The following KIAA1549L variants were observed in gnomAD, a reference collection of about 807,000 sequenced individuals.
KIAA1549L encodes UPF0606 protein KIAA1549L.
Under a neutral mutation model 160.7 loss-of-function variants are expected in KIAA1549L, and 88 were observed. The ratio of observed to expected loss-of-function variants is 0.55; its 90% confidence interval spans 0.46 to 0.65. KIAA1549L has a LOEUF of 0.65. Ranked by LOEUF, KIAA1549L falls within the 30% of genes least tolerant of loss-of-function variation. KIAA1549L has a pLI of 0.00. For synonymous variants in KIAA1549L, 950 were observed against 976.7 expected (o/e 0.97, Z 0.51); for missense variants, 2,258 against 2,437.5 (o/e 0.93, Z 1.55).
At chr11:33,378,390 C>T (rs1385706334) in intron 1 of KIAA1549L, among the ~76,000 whole-genome samples, 1 of 151,968 alleles carries the variant, frequency 6.6e-6, no homozygotes, top group Non-Finnish European at 1.5e-5. Context: ...GTACCTTGAG[C>T]CTTCTGAACC....
intron 1 of KIAA1549L, among the ~76,000 whole-genome samples, chr11:33,424,606 C>T (rs897121951): frequency 1.3e-5 from 2 of 152,108 alleles, no homozygotes; most frequent in Non-Finnish European, 2.9e-5. Flanking sequence ...GTGTCTTGAC[C>T]TTGATAGAGC....
intron 10 of KIAA1549L, among the ~76,000 whole-genome samples, chr11:33,579,351 A>G (rs1855560288): frequency 6.6e-6 from 1 of 152,158 alleles, no homozygotes; most frequent in Non-Finnish European, 1.5e-5. Flanking sequence ...GATATGTGTC[A>G]TCATCCCCTT....
intron 19 of KIAA1549L, 88 bp from the exon 20 acceptor site, chr11:33,660,775 A>G (rs1852232631): frequency 2.2e-6 from 3 of 1,341,568 alleles, no homozygotes; most frequent in Admixed American, 3.9e-5. Context: ...CCAGGGAGCC[A>G]ATGAAACTGA....
At chr11:33,460,939 T>A (rs929220752) in intron 1 of KIAA1549L, among the ~76,000 whole-genome samples, 2 of 152,186 alleles carry the variant, frequency 1.3e-5, no homozygotes, top group Non-Finnish European at 2.9e-5. Flanking sequence ...CCATGTATGG[T>A]TATCTCTGCA....
rs746865206 is a variant in KIAA1549L at position 33,660,846 on chromosome 11, C to T, written c.6008-17C>T. ...CCAGCCTCTCTTAACCTCCCTCCTC[C>T]ATTTCCTCCATGCCAGGTAATACGG... On this transcript the variant is annotated splice_polypyrimidine_tract_variant and intron_variant, in intron 19 of 20. Coordinates refer to ENST00000658780, the MANE Select transcript of KIAA1549L (RefSeq NM_012194.3). The T allele has an allele frequency of 1.9e-6, 3 of 1,612,824 alleles. No homozygotes were observed. Among genetic ancestry groups the T allele is most frequent in the East Asian group, 4.5e-5 (2 of 44,864 alleles).
At chr11:33,548,921 A>G (rs536622774) in intron 4 of KIAA1549L, among the ~76,000 whole-genome samples, 1 of 152,308 alleles carries the variant, frequency 6.6e-6, no homozygotes, top group Admixed American at 6.5e-5. Context: ...TACTTTATTG[A>G]TCATTGTCGA....
chr11:33,442,518 C>A (rs922851964), intron 1 of KIAA1549L, among the ~76,000 whole-genome samples: 2 of 152,152 alleles, frequency 1.3e-5, no homozygotes, highest in African/African-American at 4.8e-5. Context: ...TTTTTCCTTC[C>A]ATTTTTGATG....
intron 1 of KIAA1549L, among the ~76,000 whole-genome samples, chr11:33,439,118 G>A (rs561740740): frequency 6.6e-6 from 1 of 152,198 alleles, no homozygotes; most frequent in East Asian, 1.9e-4. Flanking sequence ...TAGTGGAGAT[G>A]GGAATTTACC....
chr11:33,482,506 G>A (rs894752819), intron 1 of KIAA1549L, among the ~76,000 whole-genome samples: 1 of 151,404 alleles, frequency 6.6e-6, no homozygotes, highest in Non-Finnish European at 1.5e-5. Context: ...AATTTTACTC[G>A]GTTCCTTTTG....
chr11:33,604,184 A>G (rs1158897778), intron 13 of KIAA1549L, among the ~76,000 whole-genome samples: 1 of 152,186 alleles, frequency 6.6e-6, no homozygotes, highest in Non-Finnish European at 1.5e-5. Flanking sequence ...CTCATATCAT[A>G]TCTGTGGGTA....
chr11:33,648,316 G>A (rs1261221902), intron 17 of KIAA1549L, among the ~76,000 whole-genome samples: 1 of 151,932 alleles, frequency 6.6e-6, no homozygotes, highest in Admixed American at 6.6e-5. Context: ...ATTATTAAAC[G>A]CAGTCTTTTG....
At chr11:33,623,990 C>G (rs980290046) in intron 16 of KIAA1549L, among the ~76,000 whole-genome samples, 1 of 152,122 alleles carries the variant, frequency 6.6e-6, no homozygotes, top group African/African-American at 2.4e-5. Flanking sequence ...GACCTCCTAC[C>G]CTCTTGACCT....
At position 33,557,157 on chromosome 11, in the gene KIAA1549L, T is replaced by G. The variant is rs534076176; in HGVS notation, c.3856-2592T>G. 2.0e-5 allele frequency among the ~76,000 whole-genome samples: 3 copies of G among 152,250 alleles called. No homozygotes were observed. In the South Asian group the frequency reaches 6.2e-4, roughly 32 times the overall value. On this transcript the variant is annotated intron_variant, in intron 6 of 20. Transcript: ENST00000658780. ...CATGCAACATCATGCTTGGCAATTTTTTTCTATTTTTTGTAGAGACAGGAT... is the reference window on the plus strand; with the variant it reads ...CATGCAACATCATGCTTGGCAATTTGTTTCTATTTTTTGTAGAGACAGGAT...
chr11:33,495,347 A>G (rs564651730), intron 1 of KIAA1549L, among the ~76,000 whole-genome samples: 105 of 150,972 alleles, frequency 7.0e-4, no homozygotes, highest in African/African-American at 2.0e-3. Context: ...TCATTGTTCA[A>G]TTCCCACCTA....
At position 33,594,884 on chromosome 11, in the gene KIAA1549L, TTCTCATCATGA is replaced by T. The variant is rs556897354; in HGVS notation, c.4751+3467_4751+3477del. On this transcript the variant is annotated intron_variant, in intron 12 of 20. Coordinates refer to ENST00000658780, the MANE Select transcript of KIAA1549L (RefSeq NM_012194.3). ...CAAGTAGTATTACCTACAGCTATTA[TTCTCATCATGA>T]TCTTTGCCAAATACAACAAAGGCTT... 1.8e-4 allele frequency among the ~76,000 whole-genome samples: 28 copies of T among 152,356 alleles called. No homozygotes were observed. In the South Asian group the frequency reaches 3.7e-3, roughly 20 times the overall value.
chr11:33,552,703 CAT>C lies in KIAA1549L; in HGVS notation c.3855+463_3855+464del, dbSNP rs869041552. Among the ~76,000 whole-genome samples, 260 of 61,842 alleles carry C rather than the reference CAT, an allele frequency of 4.2e-3. 8 individuals carry two copies. The highest frequency in any genetic ancestry group is 0.019 in the African/African-American group (236 of 12,548). The allele number at this position is 61,842 out of a possible 152,430, so 40.6% of individuals were successfully genotyped here. ...ACACACACACACACACACACACACA[CAT>C]GCGTTTTATATTGAAGTCTTTACTA... is the stretch of plus-strand genomic sequence containing the variant. On this transcript the variant is annotated intron_variant, in intron 6 of 20. Transcript: ENST00000658780.
chr11:33,439,093 A>AT lies in KIAA1549L; in HGVS notation c.238+62211dup, dbSNP rs548207502. On this transcript the variant is annotated intron_variant, in intron 1 of 20. Coordinates refer to ENST00000658780, the MANE Select transcript of KIAA1549L (RefSeq NM_012194.3). ...AGATGTGTGTCACCACTCCTGGCTA[A>AT]TTTTTTTGTATTTTTAGTGGAGATG... Among the ~76,000 whole-genome samples the AT allele has an allele frequency of 1.5e-3, 224 of 151,942 alleles. 2 individuals are homozygous for AT. Among genetic ancestry groups the AT allele is most frequent in the African/African-American group, 5.1e-3 (211 of 41,450 alleles).
chr11:33,542,860 A>C lies in KIAA1549L; in HGVS notation c.1297A>C (p.Ser433Arg), dbSNP rs770596529. ...TAESGAIEMT[S>R]RKLASATAND... ...AGAATCAGGGGCCATAGAAATGACC[A>C]GCAGAAAGCTAGCCTCTGCCACTGC... The change falls in exon 2 of 21, where the codon AGC becomes CGC. Residue 433 changes from serine to arginine, a missense_variant. By Grantham distance (110) the Ser-to-Arg change is moderately radical. Around this residue, in one of 6 missense-constraint regions of KIAA1549L, gnomAD observed 540 missense variants for 465.7 expected, o/e 1.16. Transcript: ENST00000658780. 6 of 1,613,856 alleles carry C rather than the reference A, an allele frequency of 3.7e-6. No homozygotes were observed. The highest frequency in any genetic ancestry group is 5.1e-6 in the Non-Finnish European group (6 of 1,179,888).
chr11:33,654,893 A>G (rs973119361), intron 17 of KIAA1549L, among the ~76,000 whole-genome samples: 1 of 152,196 alleles, frequency 6.6e-6, no homozygotes, highest in African/African-American at 2.4e-5. Context: ...GTCTGCCATC[A>G]TGCTGGAGGG....
Sources: allele counts gnomAD v4.1 joint callset (sites outside exome capture counted in the v4.1 genomes callset), GRCh38; gene constraint gnomAD v4.1.1; regional missense constraint gnomAD v4.1.1; transcripts MANE v1.5; gene names NCBI Gene and HGNC (gene_info 2026-07-23, HGNC 2026-07-21).